The following GCNT2 variants were observed in gnomAD, a reference collection of about 807,000 sequenced individuals.
GCNT2 encodes N-acetyllactosaminide beta-1,6-N-acetylglucosaminyl-transferase.
In GCNT2, 34 loss-of-function variants were observed where a neutral mutation model predicts 34.2. The observed-to-expected ratio is 1.00, with a 90% CI of 0.76 to 1.32. The LOEUF is 1.32. Among genes scored for constraint, GCNT2 ranks in the 40% most tolerant of loss-of-function variants. GCNT2 has a pLI of 0.00. For synonymous variants in GCNT2, 212 were observed against 188.0 expected, an observed-to-expected ratio of 1.13 and a Z score of -1.04; for missense variants, 584 against 489.4, an observed-to-expected ratio of 1.19 and a Z score of -1.82.
chr6:10,528,481 A>C, intron 2 of GCNT2, 150 bp from the exon 3 acceptor site: 1 of 244,664 alleles, frequency 4.1e-6, no homozygotes, highest in Non-Finnish European at 8.0e-6. Flanking sequence ...GGACATAGTT[A>C]CTAGACTCTG....
At chr6:10,605,382 T>G (rs1765264524) in intron 3 of GCNT2, among the ~76,000 whole-genome samples, 1 of 151,434 alleles carries the variant, frequency 6.6e-6, no homozygotes, top group African/African-American at 2.4e-5. Context: ...CTTTTTTTTT[T>G]TTTTCTTTGT....
At chr6:10,536,706 C>CTT (rs553671576) in intron 3 of GCNT2, among the ~76,000 whole-genome samples, 2,132 of 130,392 alleles carry the variant, frequency 0.016, 55 homozygotes, top group African/African-American at 0.055. Flanking sequence ...CTGTGAGTTC[C>CTT]TTTTTTTTTT....
At chr6:10,620,449 C>A (rs2127444183) in intron 3 of GCNT2, among the ~76,000 whole-genome samples, 1 of 151,582 alleles carries the variant, frequency 6.6e-6, no homozygotes, top group East Asian at 1.9e-4. Flanking sequence ...CTCTGTAACC[C>A]AGGCTGGAGT....
intron 3 of GCNT2, among the ~76,000 whole-genome samples, chr6:10,609,356 T>G (rs7757094): frequency 0.034 from 5,206 of 152,278 alleles, 298 homozygotes; most frequent in African/African-American, 0.12. Context: ...TCAAGCTTGC[T>G]TTTACAATAA....
chr6:10,556,960 G>A, intron 3 of GCNT2: 1 of 1,614,026 alleles, frequency 6.2e-7, no homozygotes, highest in South Asian at 1.1e-5. Context: ...CTGCCTTCGA[G>A]GTCTCATGGA....
chr6:10,561,997 TC>T (rs2113687312), intron 3 of GCNT2, among the ~76,000 whole-genome samples: 1 of 152,344 alleles, frequency 6.6e-6, no homozygotes, highest in East Asian at 1.9e-4. Context: ...TAGGACTCTT[TC>T]GGTTGCAAGT....
intron 3 of GCNT2, among the ~76,000 whole-genome samples, chr6:10,610,012 C>T (rs951250666): frequency 2.0e-5 from 3 of 152,178 alleles, no homozygotes; most frequent in Admixed American, 6.5e-5. Flanking sequence ...GAAGAGCCAT[C>T]TGGTGGTATT....
intron 3 of GCNT2, among the ~76,000 whole-genome samples, chr6:10,591,021 G>C (rs542577917): frequency 1.1e-4 from 16 of 152,198 alleles, no homozygotes; most frequent in Non-Finnish European, 2.2e-4. Flanking sequence ...TGCCATGTCT[G>C]ATCACCTTCC....
chr6:10,542,058 A>T (rs1262611657), intron 3 of GCNT2, among the ~76,000 whole-genome samples: 1 of 152,228 alleles, frequency 6.6e-6, no homozygotes, highest in South Asian at 2.1e-4. Flanking sequence ...CGTTGCTAGT[A>T]TGAAACCAAT....
Position 10,537,698 on chromosome 6 carries a change from C to CAA in GCNT2, c.925+7889_925+7890dup, listed in dbSNP as rs201257236. Among the ~76,000 whole-genome samples, 108 of 83,154 alleles carry CAA rather than the reference C, an allele frequency of 1.3e-3. 1 individual carries two copies. The highest frequency in any genetic ancestry group is 6.7e-3 in the Middle Eastern group (1 of 150). The allele number at this position is 83,154 out of a possible 152,430, so 54.6% of individuals were successfully genotyped here. A position where few individuals can be genotyped will look rare whatever the true frequency, so the allele number is the denominator to read the frequency against. ...CCTGGGCAAGAGGGAGATTCTGCCG[C>CAA]AAAAAAAAAAAAAAAAAAAAAAAAA... On this transcript the variant is annotated intron_variant, in intron 3 of 4. Coordinates refer to ENST00000495262, the MANE Select transcript of GCNT2 (RefSeq NM_145649.5).
chr6:10,554,301 G>C (rs1274041103), intron 3 of GCNT2, among the ~76,000 whole-genome samples: 1 of 152,172 alleles, frequency 6.6e-6, no homozygotes, highest in East Asian at 1.9e-4. Context: ...ACAGACAAAA[G>C]AGCTGGGAGG....
intron 3 of GCNT2, among the ~76,000 whole-genome samples, chr6:10,565,054 G>A (rs1763215933): frequency 6.6e-6 from 1 of 152,222 alleles, no homozygotes; most frequent in South Asian, 2.1e-4. Context: ...CAAAATGAGA[G>A]TGAGCCAGCC....
Position 10,529,697 on chromosome 6 carries a change from TGGCAC to T in GCNT2, c.790_794del (p.Thr264LeufsTer10). 6.2e-7 allele frequency: 1 copy of T among 1,614,148 alleles called. No homozygotes were observed. The highest frequency in any genetic ancestry group is 1.1e-5 in the South Asian group (1 of 91,088). ...CTCCTCATGACATGGTGATTTACTT[TGGCAC>T]GGCCTACGTGGCTCTCACAAGGGAC... On this transcript the variant is annotated frameshift_variant, in exon 3 of 5. Coordinates refer to ENST00000495262, the MANE Select transcript of GCNT2 (RefSeq NM_145649.5). LOFTEE classifies it high-confidence loss of function.
chr6:10,557,521 T>C (rs1296554136), intron 3 of GCNT2, among the ~76,000 whole-genome samples: 1 of 151,820 alleles, frequency 6.6e-6, no homozygotes, highest in Non-Finnish European at 1.5e-5. Context: ...TGGATCTCAC[T>C]CTGTGGCCCA....
In GCNT2 at chr6:10,627,282, T is replaced by C. The variant is rs1243083905; in HGVS notation, c.*675T>C. ...CGGGGAATAAAACATTTCTCTCTTA[T>C]ATGCCAGAATGTAGGCTGGTCCCTA... is the stretch of plus-strand genomic sequence containing the variant. On this transcript the variant is annotated 3_prime_UTR_variant, in exon 5 of 5. Transcript: ENST00000495262. 1 of 152,546 alleles carries C rather than the reference T, an allele frequency of 6.6e-6. No individual in the cohort carries two copies. The highest frequency in any genetic ancestry group is 2.4e-5 in the African/African-American group (1 of 41,442). 9.4% of individuals were successfully genotyped at this position (152,546 alleles called of 1,614,324 possible). A position where few individuals can be genotyped will look rare whatever the true frequency, so the allele number is the denominator to read the frequency against.
intron 3 of GCNT2, chr6:10,586,817 T>C (rs1764372458): frequency 1.2e-6 from 2 of 1,613,952 alleles, no homozygotes; most frequent in Non-Finnish European, 1.7e-6. Context: ...TTGTCGACTT[T>C]GTTCTACGTG....
chr6:10,588,851 GTGTGTA>G lies in GCNT2; in HGVS notation c.926-32488_926-32483del, dbSNP rs757820024. 3.6e-3 allele frequency among the ~76,000 whole-genome samples: 523 copies of G among 144,996 alleles called. 5 individuals carry two copies. The highest frequency in any genetic ancestry group is 0.012 in the African/African-American group (446 of 38,710). On this transcript the variant is annotated intron_variant, in intron 3 of 4. Transcript: ENST00000495262. ...AGTGTATGTGTGTGGTGTGTGTGTGGTGTGTATGTGTATGTGTGTGGGGTATGTGTG... is the reference window on the plus strand; with the variant it reads ...AGTGTATGTGTGTGGTGTGTGTGTGGTGTGTATGTGTGTGGGGTATGTGTG...
chr6:10,567,021 C>T (rs1763312215), intron 3 of GCNT2, among the ~76,000 whole-genome samples: 1 of 152,154 alleles, frequency 6.6e-6, no homozygotes, highest in Admixed American at 6.5e-5. Context: ...AAGAAACAAC[C>T]ATCTGGACCA....
At chr6:10,617,414 C>A (rs1765827653) in intron 3 of GCNT2, among the ~76,000 whole-genome samples, 1 of 152,172 alleles carries the variant, frequency 6.6e-6, no homozygotes. Context: ...CACCTCCCAG[C>A]AAGCTGAGGG....
Sources: allele counts gnomAD v4.1 joint callset (sites outside exome capture counted in the v4.1 genomes callset), GRCh38; gene constraint gnomAD v4.1.1; transcripts MANE v1.5; gene names NCBI Gene and HGNC (gene_info 2026-07-23, HGNC 2026-07-21).